MAPT: variants seen among roughly 807,000 people sequenced by gnomAD.
MAPT encodes microtubule associated protein tau, also known as microtubule-associated protein tau.
A neutral mutation model predicts 67.9 loss-of-function variants in MAPT; 34 were observed. That is an observed-to-expected ratio of 0.50 (90% CI 0.38 to 0.67). The LOEUF is 0.67. Ranked by LOEUF, MAPT falls within the 30% of genes least tolerant of loss-of-function variation. MAPT has a pLI of 0.00. For missense variants in MAPT, 881 were observed against 1,115.2 expected (o/e 0.79, Z 2.99); for synonymous variants, 456 against 464.5 (o/e 0.98, Z 0.23).
At chr17:45,974,815 A>G (rs1320254101) in intron 3 of MAPT, 1 of 339,738 alleles carries the variant, frequency 2.9e-6, no homozygotes, top group South Asian at 2.8e-5. Context: ...AGGTCAGTCC[A>G]CCCTCCTGCT....
chr17:46,019,265 G>A (rs1434982615), intron 12 of MAPT, among the ~76,000 whole-genome samples: 1 of 151,696 alleles, frequency 6.6e-6, no homozygotes, highest in African/African-American at 2.4e-5. Context: ...ACTATCATGA[G>A]AACAGCATGG....
rs918020418 is a variant in MAPT, at chr17:46,021,661, G to A, written c.2287-2295G>A. ...GATGAAATGGAAATGCTGTACCTAC[G>A]TCCCGGGGTGGTTGTGAGACCCAAA... On this transcript the variant is annotated intron_variant, in intron 12 of 12. Coordinates refer to ENST00000262410, the MANE Select transcript of MAPT (RefSeq NM_001377265.1). Among the ~76,000 whole-genome samples the A allele has an allele frequency of 3.9e-5, 6 of 152,290 alleles. No homozygotes were observed. In the South Asian group the frequency reaches 6.2e-4, roughly 16 times the overall value.
intron 1 of MAPT, among the ~76,000 whole-genome samples, chr17:45,913,682 C>A (rs892347080): frequency 2.0e-5 from 3 of 152,202 alleles, no homozygotes; most frequent in Non-Finnish European, 2.9e-5. Context: ...GAAGTAGATA[C>A]ACACTGTCTC....
chr17:45,964,190 TG>T (rs2070770622), intron 2 of MAPT, among the ~76,000 whole-genome samples: 1 of 151,922 alleles, frequency 6.6e-6, no homozygotes, highest in Admixed American at 6.6e-5. Context: ...TTTTCTCCTT[TG>T]TTTTGTTTTT....
intron 3 of MAPT, chr17:45,974,732 C>T (rs1316012574): frequency 4.9e-5 from 25 of 506,748 alleles, no homozygotes; most frequent in Admixed American, 4.9e-4. Flanking sequence ...TCAGTCAGCG[C>T]GTCAGTTCCA....
In MAPT at chr17:45,915,384, T is replaced by C. The variant is rs1455998977; in HGVS notation, c.-18+20698T>C. ...CGTGAGGTGTGTGTGGTGTGTGAGT[T>C]GTGTATGGTGTGTGCATGAGCATGT... On this transcript the variant is annotated intron_variant, in intron 1 of 12. Coordinates refer to ENST00000262410, the MANE Select transcript of MAPT (RefSeq NM_001377265.1). The surrounding 1 kb of genome is among the most constrained non-coding windows in gnomAD (Gnocchi z 4.4). 6.7e-6 allele frequency among the ~76,000 whole-genome samples: 1 copy of C among 148,942 alleles called. No homozygotes were observed. Among genetic ancestry groups the C allele is most frequent in the Non-Finnish European group, 1.5e-5 (1 of 67,236 alleles).
chr17:45,959,401 C>G (rs943807327), intron 1 of MAPT, among the ~76,000 whole-genome samples: 1 of 152,224 alleles, frequency 6.6e-6, no homozygotes, highest in Non-Finnish European at 1.5e-5. Flanking sequence ...ACAAGACTCA[C>G]ACTTCATACC....
Position 45,962,256 on chromosome 17 carries a change from T to C in MAPT, c.-17-65T>C, listed in dbSNP as rs1033423398. ...TGAACTGGGAGGAGAGGCTCCTCTC[T>C]CTCTTCACCCCCACTCTGCCCCCCA... On this transcript the variant is annotated intron_variant, in intron 1 of 12. Transcript: ENST00000262410. 12 of 1,369,844 alleles carry C rather than the reference T, an allele frequency of 8.8e-6. No homozygotes were observed. The African/African-American group carries it at 1.7e-4, about 19-fold the overall frequency. 84.9% of individuals were successfully genotyped at this position (1,369,844 alleles called of 1,614,324 possible). A position where few individuals can be genotyped will look rare whatever the true frequency, so the allele number is the denominator to read the frequency against.
At position 45,921,748 on chromosome 17, in the gene MAPT, T is replaced by A. The variant is rs189516992; in HGVS notation, c.-18+27062T>A. Among the ~76,000 whole-genome samples, 331 of 152,348 alleles carry A rather than the reference T, an allele frequency of 2.2e-3. 1 individual carries two copies. The highest frequency in any genetic ancestry group is 3.9e-3 in the Non-Finnish European group (267 of 68,032). ...GTAACATGTTCGTAGGCTGTTTGTC[T>A]GGTTTAAACTCTATCTGGAGGAATT... On this transcript the variant is annotated intron_variant, in intron 1 of 12. Coordinates refer to ENST00000262410, the MANE Select transcript of MAPT (RefSeq NM_001377265.1).
intron 1 of MAPT, among the ~76,000 whole-genome samples, chr17:45,933,819 T>C (rs2067079450): frequency 6.7e-6 from 1 of 149,834 alleles, no homozygotes; most frequent in Non-Finnish European, 1.5e-5. Context: ...CACGTGTCTT[T>C]GCACATTGAA....
intron 5 of MAPT, chr17:45,985,686 G>A: frequency 1.0e-6 from 1 of 985,418 alleles, no homozygotes; most frequent in East Asian, 1.1e-4. Flanking sequence ...TGCCGATTTA[G>A]CAGATTCTTT....
chr17:45,905,998 G>T (rs2064282963), intron 1 of MAPT, among the ~76,000 whole-genome samples: 1 of 152,198 alleles, frequency 6.6e-6, no homozygotes, highest in East Asian at 1.9e-4. Flanking sequence ...CAGTCAGACG[G>T]TGCAGCTGGT....
chr17:45,945,100 G>T lies in MAPT; in HGVS notation c.-17-17221G>T, dbSNP rs141318862. On this transcript the variant is annotated intron_variant, in intron 1 of 12. Transcript: ENST00000262410. ...GCGACTCCTCCTACATTAGGGCCTCGAGTGGGGCTTCATGATTGGTTGGTG... is the reference window on the plus strand; with the variant it reads ...GCGACTCCTCCTACATTAGGGCCTCTAGTGGGGCTTCATGATTGGTTGGTG... 9.2e-5 allele frequency among the ~76,000 whole-genome samples: 14 copies of T among 152,298 alleles called. No homozygotes were observed. In the East Asian group the frequency reaches 2.1e-3, roughly 23 times the overall value.
chr17:45,969,952 T>C (rs796931216), intron 2 of MAPT, among the ~76,000 whole-genome samples: 2 of 151,866 alleles, frequency 1.3e-5, no homozygotes, highest in African/African-American at 4.8e-5. Flanking sequence ...CATCCATCCA[T>C]CCATCCATCC....
At chr17:45,965,585 CT>C (rs2070984882) in intron 2 of MAPT, among the ~76,000 whole-genome samples, 2 of 151,680 alleles carry the variant, frequency 1.3e-5, no homozygotes, top group African/African-American at 4.8e-5. Flanking sequence ...CTGGCCAGTT[CT>C]TGTATTTTTA....
intron 8 of MAPT, among the ~76,000 whole-genome samples, chr17:45,993,595 G>A (rs2074242252): frequency 6.6e-6 from 1 of 152,204 alleles, no homozygotes; most frequent in South Asian, 2.1e-4. Context: ...TGTATTTTTA[G>A]TAAAGACAGG....
intron 3 of MAPT, chr17:45,974,419 C>T (rs1378561672): frequency 9.9e-6 from 16 of 1,610,576 alleles, no homozygotes; most frequent in South Asian, 8.9e-5. Flanking sequence ...AGGGAGCTCC[C>T]GGCAAGCAGG....
chr17:45,955,288 C>T (rs1191738542), intron 1 of MAPT, among the ~76,000 whole-genome samples: 2 of 152,200 alleles, frequency 1.3e-5, no homozygotes, highest in African/African-American at 4.8e-5. Context: ...GACCCCAACC[C>T]GATTTTGAAG....
chr17:46,014,622 T>C (rs62062271), intron 11 of MAPT, among the ~76,000 whole-genome samples: 28,239 of 151,974 alleles, frequency 0.19, 3,531 homozygotes, highest in East Asian at 0.42. Context: ...CGCCTGTAAT[T>C]CCAGCACTTT....
Sources: allele counts gnomAD v4.1 joint callset (sites outside exome capture counted in the v4.1 genomes callset), GRCh38; gene constraint gnomAD v4.1.1; non-coding constraint Gnocchi (gnomAD v3.1); transcripts MANE v1.5; gene names NCBI Gene and HGNC (gene_info 2026-07-23, HGNC 2026-07-21).